PTPRT: variants seen among roughly 807,000 people sequenced by gnomAD.
PTPRT encodes receptor-type tyrosine-protein phosphatase T.
Under a neutral mutation model 176.8 loss-of-function variants are expected in PTPRT, and 56 were observed. The observed-to-expected ratio is 0.32, with a 90% CI of 0.26 to 0.40. PTPRT has a LOEUF of 0.40. PTPRT is among the 10% of genes least tolerant of loss of function. The pLI is 1.00. For missense variants in PTPRT, 1,540 were observed against 1,908.2 expected (o/e 0.81, Z 3.60); for synonymous variants, 783 against 739.0 (o/e 1.06, Z -0.96).
chr20:42,461,232 C>G (rs1047299731), intron 8 of PTPRT, among the ~76,000 whole-genome samples: 2 of 152,156 alleles, frequency 1.3e-5, no homozygotes, highest in African/African-American at 4.8e-5. Context: ...GAGGCTGAAG[C>G]AGGAGAATGG....
intron 11 of PTPRT, among the ~76,000 whole-genome samples, chr20:42,329,502 C>T (rs199524155): frequency 0.14 from 17,305 of 124,322 alleles, 959 homozygotes; most frequent in East Asian, 0.23. Flanking sequence ...CACACACACA[C>T]ATACACACAC....
In PTPRT at chr20:42,669,516, T is replaced by C. The variant is rs139879062; in HGVS notation, c.1153+8350A>G. 4.3e-3 allele frequency among the ~76,000 whole-genome samples: 658 copies of C among 152,292 alleles called. 2 individuals are homozygous for C. Among genetic ancestry groups the C allele is most frequent in the African/African-American group, 0.015 (628 of 41,570 alleles). On this transcript the variant is annotated intron_variant, in intron 7 of 30. Coordinates refer to ENST00000373187, the MANE Select transcript of PTPRT (RefSeq NM_007050.6). ...GGAGGTTAGATGTCTGTGTTCATAC[T>C]ACCCTCCTGCCCAGAAGGATGTCCC... is the stretch of plus-strand genomic sequence containing the variant.
At chr20:42,091,057 A>G (rs2146162874) in intron 27 of PTPRT, among the ~76,000 whole-genome samples, 1 of 151,070 alleles carries the variant, frequency 6.6e-6, no homozygotes, top group South Asian at 2.1e-4. Flanking sequence ...CACACCGGGG[A>G]GAGGAAGTCA....
At chr20:42,941,705 G>C (rs940309211) in intron 1 of PTPRT, among the ~76,000 whole-genome samples, 16 of 152,182 alleles carry the variant, frequency 1.1e-4, no homozygotes, top group African/African-American at 2.4e-4. Context: ...AGCAGAAAGA[G>C]AGAGATGGGA....
At chr20:43,056,713 G>A (rs1987247303) in intron 1 of PTPRT, among the ~76,000 whole-genome samples, 1 of 152,008 alleles carries the variant, frequency 6.6e-6, no homozygotes, top group Non-Finnish European at 1.5e-5. Context: ...AAAACTGAAA[G>A]CCCATAAAAA....
At chr20:42,796,072 C>G (rs2077449732) in intron 2 of PTPRT, among the ~76,000 whole-genome samples, 1 of 152,162 alleles carries the variant, frequency 6.6e-6, no homozygotes, top group Admixed American at 6.5e-5. Context: ...TACGAAGGAA[C>G]AGAGAGGTAA....
At chr20:42,752,323 T>A (rs2076780395) in intron 6 of PTPRT, among the ~76,000 whole-genome samples, 1 of 152,234 alleles carries the variant, frequency 6.6e-6, no homozygotes, top group African/African-American at 2.4e-5. Context: ...TTATCACATG[T>A]CATCCTCATG....
chr20:42,248,093 C>T (rs76615920), intron 14 of PTPRT, among the ~76,000 whole-genome samples: 1,804 of 152,234 alleles, frequency 0.012, 11 homozygotes, highest in Non-Finnish European at 0.017. Context: ...TCCAGGGAGA[C>T]ATGCTTTTGA....
rs943481421 is a variant in PTPRT at position 42,791,478 on chromosome 20, C to G, written c.215-12G>C. The G allele has an allele frequency of 1.2e-6, 2 of 1,603,466 alleles. No individual in the cohort carries two copies. The highest frequency in any genetic ancestry group is 2.7e-5 in the African/African-American group (2 of 74,782). The stretch of plus-strand genomic sequence containing the variant: ...CATCATGAAAGATCCTGGAGACCCA[C>G]AAAGCAGGTGGGAAGTAGAGACAAA... On this transcript the variant is annotated splice_polypyrimidine_tract_variant and intron_variant, in intron 2 of 30. Transcript: ENST00000373187.
At chr20:42,143,441 T>A (rs111834813) in intron 17 of PTPRT, among the ~76,000 whole-genome samples, 3,176 of 151,520 alleles carry the variant, frequency 0.021, 108 homozygotes, top group African/African-American at 0.072. Flanking sequence ...CCTGTAGTCC[T>A]AGCTACTTGG....
At chr20:42,166,763 A>C (rs1352265492) in intron 16 of PTPRT, among the ~76,000 whole-genome samples, 1 of 152,118 alleles carries the variant, frequency 6.6e-6, no homozygotes, top group Admixed American at 6.5e-5. Context: ...TACTAAAAGT[A>C]CAAAAAAATT....
At chr20:43,182,222 G>C (rs78699293) in intron 1 of PTPRT, among the ~76,000 whole-genome samples, 2,041 of 152,218 alleles carry the variant, frequency 0.013, 23 homozygotes, top group Middle Eastern at 0.027. Context: ...GGATAAAAGG[G>C]GGAGTAAAGC....
At chr20:42,790,881 C>A (rs1347852297) in intron 3 of PTPRT, among the ~76,000 whole-genome samples, 2 of 152,152 alleles carry the variant, frequency 1.3e-5, no homozygotes, top group Non-Finnish European at 2.9e-5. Flanking sequence ...GTACTAGTAC[C>A]TCCCTCATCA....
intron 11 of PTPRT, among the ~76,000 whole-genome samples, chr20:42,327,032 A>C (rs1300111785): frequency 2.0e-5 from 3 of 151,614 alleles, no homozygotes; most frequent in Non-Finnish European, 1.5e-5. Context: ...TACAATGATT[A>C]AACCATGGGT....
At chr20:42,132,806 T>C (rs966849844) in intron 18 of PTPRT, among the ~76,000 whole-genome samples, 4 of 152,198 alleles carry the variant, frequency 2.6e-5, no homozygotes, top group African/African-American at 9.6e-5. Flanking sequence ...TATCTAGCAA[T>C]TGTACTTCTT....
chr20:42,703,196 G>A (rs1237382765), intron 6 of PTPRT, among the ~76,000 whole-genome samples: 1 of 152,060 alleles, frequency 6.6e-6, no homozygotes, highest in Non-Finnish European at 1.5e-5. Flanking sequence ...GAATAAGAAT[G>A]TGGAGAAAGG....
chr20:42,694,399 T>C (rs1257304949), intron 6 of PTPRT, among the ~76,000 whole-genome samples: 2 of 152,194 alleles, frequency 1.3e-5, no homozygotes, highest in Non-Finnish European at 2.9e-5. Flanking sequence ...AGTTTACATG[T>C]GATATACATA....
chr20:42,437,661 G>C (rs1436523457), intron 9 of PTPRT, among the ~76,000 whole-genome samples: 3 of 152,094 alleles, frequency 2.0e-5, no homozygotes, highest in Non-Finnish European at 2.9e-5. Context: ...TCTTGGTAAA[G>C]AGTAAGAAAA....
chr20:42,740,416 G>A (rs537258354), intron 6 of PTPRT, among the ~76,000 whole-genome samples: 3 of 152,262 alleles, frequency 2.0e-5, no homozygotes, highest in African/African-American at 7.2e-5. Flanking sequence ...CCAGGGTCCA[G>A]GCTGAGAATG....
Sources: gnomAD v4.1 joint callset for allele counts (sites outside exome capture counted in the v4.1 genomes callset) on GRCh38, gnomAD v4.1.1 for gene constraint, MANE v1.5 for transcripts, NCBI Gene and HGNC (gene_info 2026-07-23, HGNC 2026-07-21) for gene names.